Variants in OR8K3 observed in about 807,000 individuals in gnomAD.
OR8K3 encodes olfactory receptor 8K3.
For synonymous variants in OR8K3, 167 were observed against 138.8 expected (o/e 1.20, Z -1.43); for missense variants, 448 against 367.4 (o/e 1.22, Z -1.79).
At position 56,318,956 on chromosome 11, in the gene OR8K3, C is replaced by A; in HGVS notation, c.650C>A (p.Ser217Tyr). The part of the protein sequence containing the change: ...LISSLLIVLL[S>Y]YLLILVAILR... ...TCATCTCTTCTGATAGTTCTTTTAT[C>A]TTACCTGCTCATCCTTGTAGCCATT... is the stretch of plus-strand genomic sequence containing the variant. Residue 217 changes from serine (S) to tyrosine (Y), a missense_variant, in exon 3 of 3, where the codon TCT becomes TAT. By Grantham distance (144) the Ser-to-Tyr change is moderately radical (BLOSUM62 -2). Transcript: ENST00000641662. The A allele has an allele frequency of 6.2e-7, 1 of 1,614,112 alleles. No homozygotes were observed. The highest frequency in any genetic ancestry group is 8.5e-7 in the Non-Finnish European group (1 of 1,180,006).
At position 56,319,285 on chromosome 11, in the gene OR8K3, A is replaced by G. The variant is rs775693538; in HGVS notation, c.*40A>G. 4 of 1,186,824 alleles carry G rather than the reference A, an allele frequency of 3.4e-6. No homozygotes were observed. Among genetic ancestry groups the G allele is most frequent in the Non-Finnish European group, 4.8e-6 (4 of 825,940 alleles). The allele number at this position is 1,186,824 out of a possible 1,614,324, so 73.5% of individuals were successfully genotyped here. On this transcript the variant is annotated 3_prime_UTR_variant, in exon 3 of 3. Coordinates refer to ENST00000641662, the MANE Select transcript of OR8K3 (RefSeq NM_001005202.2). ...GATTCCTATAAATTAGGTTATGGGCATGAATTTTTGCTCTGCATACTTCCA... is the reference window on the plus strand; with the variant it reads ...GATTCCTATAAATTAGGTTATGGGCGTGAATTTTTGCTCTGCATACTTCCA...
intron 2 of OR8K3, among the ~76,000 whole-genome samples, chr11:56,318,032 A>G (rs944208827): frequency 6.6e-6 from 1 of 152,158 alleles, no homozygotes; most frequent in African/African-American, 2.4e-5. Flanking sequence ...CCCACCTCCA[A>G]ATTGTGATAA....
At chr11:56,317,596 A>C (rs1203772791) in intron 2 of OR8K3, among the ~76,000 whole-genome samples, 1 of 152,102 alleles carries the variant, frequency 6.6e-6, no homozygotes, top group Non-Finnish European at 1.5e-5. Flanking sequence ...GTTTTGAAGC[A>C]GGTGGTTTTA....
At chr11:56,318,221 T>C (rs1011242830) in intron 2 of OR8K3, 63 bp from the exon 3 acceptor site, 6 of 829,064 alleles carry the variant, frequency 7.2e-6, no homozygotes, top group African/African-American at 6.8e-5. Flanking sequence ...TAGCTTTGCA[T>C]ACTAAAAAAT....
Position 56,318,792 on chromosome 11 carries a change from GATTTTT to G in OR8K3, c.488_493del (p.Ile163_Phe164del), listed in dbSNP as rs1854483041. The G allele has an allele frequency of 3.1e-6, 5 of 1,613,962 alleles. No individual in the cohort carries two copies. The East Asian group carries it at 1.1e-4, about 36-fold the overall frequency. ...TCATTTCTCTTCTAGTCACCATAAA[GATTTTT>G]ACTTTATCCTTCTGTGGCTACAACG... is the stretch of plus-strand genomic sequence containing the variant. On this transcript the variant is annotated inframe_deletion, in exon 3 of 3. Transcript: ENST00000641662.
rs1854495452 is a variant in OR8K3, at chr11:56,319,390, T to C, written c.*145T>C. 1 of 591,746 alleles carries C rather than the reference T, an allele frequency of 1.7e-6. No homozygotes were observed. The highest frequency in any genetic ancestry group is 2.2e-5 in the South Asian group (1 of 45,180). The allele number at this position is 591,746 out of a possible 1,614,324, so 36.7% of individuals were successfully genotyped here. On this transcript the variant is annotated 3_prime_UTR_variant, in exon 3 of 3. Coordinates refer to ENST00000641662, the MANE Select transcript of OR8K3 (RefSeq NM_001005202.2). ...GATAGGCTCTTCTAATTGCTATACA[T>C]AGATTAATAAACAAAATAGTAGAAA...
At position 56,318,453 on chromosome 11, in the gene OR8K3, C is replaced by G. The variant is rs1590838532; in HGVS notation, c.147C>G (p.Thr49=). 8 of 1,614,018 alleles carry G rather than the reference C, an allele frequency of 5.0e-6. No homozygotes were observed. In the East Asian group the frequency reaches 1.8e-4, roughly 36 times the overall value. ...VMGNLGMIVL[T]KLDSRLQTPM... is the part of the protein sequence containing the mutation. ...GCAATTTGGGCATGATTGTCCTCAC[C>G]AAGTTGGACTCCAGGTTGCAAACCC... The change falls in exon 3 of 3, where the codon ACC becomes ACG. Residue 49 remains threonine, a synonymous_variant. Transcript: ENST00000641662.
chr11:56,317,557 C>A (rs17541516), intron 2 of OR8K3, among the ~76,000 whole-genome samples: 2 of 151,886 alleles, frequency 1.3e-5, no homozygotes, highest in South Asian at 2.1e-4. Context: ...CTGTACCACC[C>A]GAAGAGATAA....
Position 56,319,061 on chromosome 11 carries a change from G to C in OR8K3, c.755G>C (p.Gly252Ala). 6.2e-7 allele frequency: 1 copy of C among 1,614,010 alleles called. No individual in the cohort carries two copies. Among genetic ancestry groups the C allele is most frequent in the Non-Finnish European group, 8.5e-7 (1 of 1,180,014 alleles). Reference sequence around the variant, plus strand: ...CTGACAGTGGTCATAGTGTTCTATGGGACTTTGCTTTTCATGTACGTGCAG... The same window carrying C: ...CTGACAGTGGTCATAGTGTTCTATGCGACTTTGCTTTTCATGTACGTGCAG... ...AHLTVVIVFY[G>A]TLLFMYVQPK... Residue 252 changes from glycine (G) to alanine (A), a missense_variant, in exon 3 of 3, where the codon GGG (glycine) becomes GCG (alanine). Coordinates refer to ENST00000641662, the MANE Select transcript of OR8K3 (RefSeq NM_001005202.2).
At chr11:56,315,319 G>A (rs1005396374) in intron 1 of OR8K3, among the ~76,000 whole-genome samples, 152 bp downstream of exon 1, 1 of 152,074 alleles carries the variant, frequency 6.6e-6, no homozygotes, top group Non-Finnish European at 1.5e-5. Flanking sequence ...CGGGATTTCT[G>A]TTACTCAATA....
chr11:56,318,495 C>T lies in OR8K3; in HGVS notation c.189C>T (p.Leu63=), dbSNP rs769596327. Residue 63 remains leucine (L), a synonymous_variant, in exon 3 of 3, where the codon CTC becomes CTT. Transcript: ENST00000641662. ...TGCAAACCCCTATGTACTTTTTTCT[C>T]AGACATCTGGCTTTCATGGATCTTG... The part of the protein sequence containing the change: ...SRLQTPMYFF[L]RHLAFMDLGY... The T allele has an allele frequency of 2.5e-6, 4 of 1,613,954 alleles. No homozygotes were observed. The South Asian group carries it at 3.3e-5, about 13-fold the overall frequency.
Position 56,319,919 on chromosome 11 carries a change from A to G in OR8K3, c.*674A>G, listed in dbSNP as rs1854502829. ...TCTGATTAGCACCTGATTTTGTTTC[A>G]GTTAGCCCATTCTGTTTACATGAGT... On this transcript the variant is annotated 3_prime_UTR_variant, in exon 3 of 3. Coordinates refer to ENST00000641662, the MANE Select transcript of OR8K3 (RefSeq NM_001005202.2). The G allele has an allele frequency of 6.6e-6, 1 of 152,208 alleles. No homozygotes were observed. The highest frequency in any genetic ancestry group is 1.5e-5 in the Non-Finnish European group (1 of 68,058). The allele number at this position is 152,208 out of a possible 1,614,324, so 9.4% of individuals were successfully genotyped here. A position where few individuals can be genotyped will look rare whatever the true frequency, so the allele number is the denominator to read the frequency against.
chr11:56,316,230 G>C (rs1269724840), intron 2 of OR8K3, among the ~76,000 whole-genome samples, 173 bp downstream of exon 2: 2 of 151,888 alleles, frequency 1.3e-5, no homozygotes, highest in Non-Finnish European at 2.9e-5. Context: ...TGTGTTCATT[G>C]AGTCAGGGTA....
Position 56,319,338 on chromosome 11 carries a change from A to G in OR8K3, c.*93A>G, listed in dbSNP as rs1854494923. The G allele has an allele frequency of 3.6e-5, 23 of 643,970 alleles. No homozygotes were observed. In the East Asian group the frequency reaches 6.3e-4, roughly 18 times the overall value. The allele number at this position is 643,970 out of a possible 1,614,324, so 39.9% of individuals were successfully genotyped here. A position where few individuals can be genotyped will look rare whatever the true frequency, so the allele number is the denominator to read the frequency against. ...AGACATAACAAGCATAACTGATTCA[A>G]CATATATTTACATATGTCTCATACA... On this transcript the variant is annotated 3_prime_UTR_variant, in exon 3 of 3. Coordinates refer to ENST00000641662, the MANE Select transcript of OR8K3 (RefSeq NM_001005202.2).
chr11:56,318,953 T>G lies in OR8K3; in HGVS notation c.647T>G (p.Leu216Ter). The change falls in exon 3 of 3, where the codon TTA becomes TGA. Residue 216 changes from leucine (L) to a stop codon, truncating the protein, a stop_gained. Transcript: ENST00000641662. LOFTEE classifies it low-confidence loss of function (END_TRUNC). The stretch of plus-strand genomic sequence containing the variant: ...ATTTCATCTCTTCTGATAGTTCTTT[T>G]ATCTTACCTGCTCATCCTTGTAGCC... ...DLISSLLIVL[L>*]SYLLILVAIL... The G allele has an allele frequency of 2.5e-6, 4 of 1,614,198 alleles. No individual in the cohort carries two copies. Among genetic ancestry groups the G allele is most frequent in the Non-Finnish European group, 3.4e-6 (4 of 1,180,030 alleles).
rs1299281790 is a variant in OR8K3, at chr11:56,319,051, G to C, written c.745G>C (p.Val249Leu). 1.9e-6 allele frequency: 3 copies of C among 1,614,070 alleles called. No individual in the cohort carries two copies. The highest frequency in any genetic ancestry group is 1.7e-5 in the Admixed American group (1 of 60,006). Residue 249 changes from valine (V) to leucine (L), a missense_variant, in exon 3 of 3, where the codon GTG becomes CTG. Physicochemically the swap from Val to Leu is conservative, Grantham distance 32. Transcript: ENST00000641662. ...TGGAGCCCACCTGACAGTGGTCATA[G>C]TGTTCTATGGGACTTTGCTTTTCAT... is the stretch of plus-strand genomic sequence containing the variant. ...TCGAHLTVVI[V>L]FYGTLLFMYV...
rs1389434635 is a variant in OR8K3 at position 56,319,810 on chromosome 11, T to C, written c.*565T>C. On this transcript the variant is annotated 3_prime_UTR_variant, in exon 3 of 3. Coordinates refer to ENST00000641662, the MANE Select transcript of OR8K3 (RefSeq NM_001005202.2). ...ATAATTACTATTCCGAATATTAGGA[T>C]CCTACTATTTCCTTATCAATGTTTT... The C allele has an allele frequency of 6.6e-6, 1 of 152,532 alleles. No individual in the cohort carries two copies. The highest frequency in any genetic ancestry group is 2.4e-5 in the African/African-American group (1 of 41,468). 9.4% of individuals were successfully genotyped at this position (152,532 alleles called of 1,614,324 possible). A position where few individuals can be genotyped will look rare whatever the true frequency, so the allele number is the denominator to read the frequency against.
chr11:56,316,274 T>A (rs1854442250), intron 2 of OR8K3, among the ~76,000 whole-genome samples: 1 of 152,002 alleles, frequency 6.6e-6, no homozygotes, highest in Non-Finnish European at 1.5e-5. Context: ...ATTTAAAAAA[T>A]TAAGTTCAAA....
At chr11:56,315,792 A>AC (rs1257539542) in intron 1 of OR8K3, among the ~76,000 whole-genome samples, 1 of 151,700 alleles carries the variant, frequency 6.6e-6, no homozygotes, top group African/African-American at 2.4e-5. Flanking sequence ...GAAAAAAAAA[A>AC]CATTTTAAAA....
Sources: allele counts gnomAD v4.1 joint callset (sites outside exome capture counted in the v4.1 genomes callset), GRCh38; gene constraint gnomAD v4.1.1; transcripts MANE v1.5; gene names NCBI Gene and HGNC (gene_info 2026-07-23, HGNC 2026-07-21).